POLD3: variants seen among roughly 807,000 people sequenced by gnomAD.
POLD3 encodes the protein DNA polymerase delta subunit 3.
In POLD3, 19 loss-of-function variants were observed where a neutral mutation model predicts 58.2. That is an observed-to-expected ratio of 0.33 (90% confidence interval 0.23 to 0.48). POLD3 has a LOEUF of 0.48. Ranked by LOEUF, POLD3 falls within the 20% of genes least tolerant of loss-of-function variation. The pLI is 0.99. For missense variants in POLD3, 504 were observed against 545.5 expected (o/e 0.92, Z 0.76); for synonymous variants, 172 against 193.5 (o/e 0.89, Z 0.92).
chr11:74,659,204 CA>C (rs1302682020), intron 4 of POLD3, among the ~76,000 whole-genome samples: 1 of 152,218 alleles, frequency 6.6e-6, no homozygotes, highest in Non-Finnish European at 1.5e-5. Context: ...TCTGAAGCCA[CA>C]GCCTGAGCTG....
At chr11:74,660,506 T>A (rs533798275) in intron 4 of POLD3, among the ~76,000 whole-genome samples, 3 of 152,316 alleles carry the variant, frequency 2.0e-5, no homozygotes, top group African/African-American at 7.2e-5. Context: ...TATTATTTTT[T>A]CTTTTGTCTC....
At position 74,611,512 on chromosome 11, in the gene POLD3, C is replaced by A; in HGVS notation, c.233C>A (p.Ala78Glu). Residue 78 changes from alanine (A) to glutamate (E), a missense_variant, in exon 4 of 12, where the codon GCA becomes GAA. Transcript: ENST00000263681. Reference protein sequence around the residue: ...IQNGHSCHKVAVVREDKLEAV... With the variant: ...IQNGHSCHKVEVVREDKLEAV... ...ATTTTCTTACAGTGCCACAAGGTTG[C>A]AGTAGTGAGAGAAGATAAATTGGAA... 6.4e-7 allele frequency: 1 copy of A among 1,561,970 alleles called. No homozygotes were observed. Among genetic ancestry groups the A allele is most frequent in the Non-Finnish European group, 8.7e-7 (1 of 1,147,550 alleles).
intron 4 of POLD3, among the ~76,000 whole-genome samples, chr11:74,657,658 T>C (rs2033153835): frequency 6.6e-6 from 1 of 152,250 alleles, no homozygotes; most frequent in Non-Finnish European, 1.5e-5. Flanking sequence ...CATCTTTTAG[T>C]CTTTCTGCTT....
chr11:74,645,480 G>C (rs536124611), downstream of POLD3, among the ~76,000 whole-genome samples: 19 of 152,338 alleles, frequency 1.2e-4, no homozygotes, highest in African/African-American at 4.3e-4. Context: ...AGGGAGGCAG[G>C]ATGCCGGGAT....
intron 4 of POLD3, among the ~76,000 whole-genome samples, chr11:74,655,596 T>C (rs956921559): frequency 6.6e-6 from 1 of 152,104 alleles, no homozygotes; most frequent in Admixed American, 6.5e-5. Flanking sequence ...GCCTGTTCTT[T>C]TCAAGCATGC....
intron 7 of POLD3, among the ~76,000 whole-genome samples, chr11:74,624,552 C>T (rs1330542377): frequency 6.6e-6 from 1 of 152,180 alleles, no homozygotes; most frequent in Non-Finnish European, 1.5e-5. Context: ...ATTGAAGCAC[C>T]TCCAGCTAAT....
chr11:74,654,971 TG>T lies in POLD3; in HGVS notation c.370-13805del, dbSNP rs1277638028. ...TGCCACATATCCCTAGCAAAGCACATGTGCAGGAGAGACCAAAGAGTGCCTT... is the reference window on the plus strand; with the variant it reads ...TGCCACATATCCCTAGCAAAGCACATTGCAGGAGAGACCAAAGAGTGCCTT... On this transcript the variant is annotated intron_variant, in intron 4 of 4. Transcript: ENST00000524752. 2.0e-5 allele frequency among the ~76,000 whole-genome samples: 3 copies of T among 152,216 alleles called. No individual in the cohort carries two copies. The South Asian group carries it at 6.2e-4, about 31-fold the overall frequency.
At position 74,625,375 on chromosome 11, in the gene POLD3, G is replaced by C. The variant is rs760357173; in HGVS notation, c.734-33G>C. ...ATGATGTATTAATATTGCATGATGG[G>C]GTCATATGTCGTCTGCTATACTTTA... On this transcript the variant is annotated intron_variant, in intron 7 of 11. Coordinates refer to ENST00000263681, the MANE Select transcript of POLD3 (RefSeq NM_006591.3). 4 of 1,531,468 alleles carry C rather than the reference G, an allele frequency of 2.6e-6. No homozygotes were observed. The Admixed American group carries it at 5.6e-5, about 21-fold the overall frequency. 94.9% of individuals were successfully genotyped at this position (1,531,468 alleles called of 1,614,324 possible).
intron 4 of POLD3, among the ~76,000 whole-genome samples, chr11:74,658,745 C>A (rs1477819213): frequency 6.6e-6 from 1 of 152,238 alleles, no homozygotes; most frequent in Non-Finnish European, 1.5e-5. Flanking sequence ...CCAGGTCTCA[C>A]ATCCAGCTCA....
At chr11:74,619,501 A>G (rs1462238513) in intron 6 of POLD3, among the ~76,000 whole-genome samples, 1 of 152,174 alleles carries the variant, frequency 6.6e-6, no homozygotes, top group Admixed American at 6.6e-5. Context: ...ACTGTGTGCC[A>G]GTGTCTTTGT....
At chr11:74,618,439 A>G in intron 5 of POLD3, 98 bp from the exon 6 acceptor site, 1 of 834,760 alleles carries the variant, frequency 1.2e-6, no homozygotes, top group East Asian at 2.5e-5. Flanking sequence ...TTTGAAAATA[A>G]AGTTTTATAC....
At chr11:74,650,565 C>A (rs976107484) in intron 4 of POLD3, among the ~76,000 whole-genome samples, 3 of 152,188 alleles carry the variant, frequency 2.0e-5, no homozygotes, top group African/African-American at 7.2e-5. Context: ...AGCAAAGAAG[C>A]CTCTCCCAAT....
intron 5 of POLD3, 139 bp from the exon 6 acceptor site, chr11:74,618,398 A>T: frequency 1.6e-6 from 1 of 623,650 alleles, no homozygotes. Flanking sequence ...AAACAATATT[A>T]GAGTTAAGTA....
At chr11:74,645,875 C>G (rs2032992482), downstream of POLD3, among the ~76,000 whole-genome samples, 1 of 152,054 alleles carries the variant, frequency 6.6e-6, no homozygotes, top group African/African-American at 2.4e-5. Flanking sequence ...GTCTTAACCA[C>G]TGTGCTATAT....
At chr11:74,611,420 A>G (rs2031906609) in intron 3 of POLD3, 79 bp from the exon 4 acceptor site, 1 of 819,918 alleles carries the variant, frequency 1.2e-6, no homozygotes, top group Admixed American at 2.0e-5. Context: ...ACATCCAAGC[A>G]CAATTGAATT....
In POLD3 at chr11:74,642,487, C is replaced by G. The variant is rs1019060592; in HGVS notation, c.*1721C>G. ...GAAAAGCAACAATCCAATCTTTTTT[C>G]TAAAAATTATGCTGGGGTCTCGACT... On this transcript the variant is annotated 3_prime_UTR_variant, in exon 12 of 12. Coordinates refer to ENST00000263681, the MANE Select transcript of POLD3 (RefSeq NM_006591.3). 1 of 985,038 alleles carries G rather than the reference C, an allele frequency of 1.0e-6. No individual in the cohort carries two copies. Among genetic ancestry groups the G allele is most frequent in the Non-Finnish European group, 1.2e-6 (1 of 829,672 alleles). 61.0% of individuals were successfully genotyped at this position (985,038 alleles called of 1,614,324 possible).
chr11:74,651,126 C>G (rs1445907541), intron 4 of POLD3, among the ~76,000 whole-genome samples: 1 of 152,238 alleles, frequency 6.6e-6, no homozygotes, highest in African/African-American at 2.4e-5. Flanking sequence ...GCTATCTCCT[C>G]CACCACAATA....
intron 9 of POLD3, among the ~76,000 whole-genome samples, chr11:74,631,744 A>C (rs1264016091): frequency 6.6e-6 from 1 of 151,886 alleles, no homozygotes; most frequent in Admixed American, 6.6e-5. Flanking sequence ...GGCCTCTCAA[A>C]GTGCTGGAAT....
At chr11:74,609,372 ATTTTTTTTTTTTTTT>A (rs869157886) in intron 3 of POLD3, among the ~76,000 whole-genome samples, 1 of 27,210 alleles carries the variant, frequency 3.7e-5, no homozygotes, top group African/African-American at 1.9e-4. Flanking sequence ...ATATATATAT[ATTTTTTTTTTTTTTT>A]TTTTTTTTTT....
Sources: allele counts gnomAD v4.1 joint callset (sites outside exome capture counted in the v4.1 genomes callset), GRCh38; gene constraint gnomAD v4.1.1; transcripts MANE v1.5; gene names NCBI Gene and HGNC (gene_info 2026-07-23, HGNC 2026-07-21).